Variants in KNG1 observed in about 807,000 individuals in gnomAD.
The protein encoded by KNG1 is kininogen-1.
Under a neutral mutation model 47.8 loss-of-function variants are expected in KNG1, and 23 were observed. That is an observed-to-expected ratio of 0.48 (90% CI 0.35 to 0.68). The LOEUF is 0.68. KNG1 is among the 30% of genes least tolerant of loss of function. KNG1 has a pLI of 0.01. For synonymous variants in KNG1, 277 were observed against 277.0 expected, an observed-to-expected ratio of 1.00 and a Z score of 0.00; for missense variants, 762 against 790.2, an observed-to-expected ratio of 0.96 and a Z score of 0.43.
Position 186,731,631 on chromosome 3 carries a change from T to C in KNG1, c.757+2T>C, listed in dbSNP as rs906229010. 1.3e-6 allele frequency: 2 copies of C among 1,577,238 alleles called. No individual in the cohort carries two copies. The highest frequency in any genetic ancestry group is 2.7e-5 in the African/African-American group (2 of 74,164). The stretch of plus-strand genomic sequence containing the variant: ...CACAGAACTGTGACATTTATCCAGG[T>C]AAGGAATAACACATGTTGGCACCGC... On this transcript the variant is annotated splice_donor_variant, in intron 6 of 9. Coordinates refer to ENST00000644859, the MANE Select transcript of KNG1 (RefSeq NM_001102416.3). LOFTEE classifies it high-confidence loss of function.
chr3:186,722,609 C>A, intron 3 of KNG1, 88 bp downstream of exon 3: 2 of 1,075,194 alleles, frequency 1.9e-6, no homozygotes, highest in Non-Finnish European at 2.8e-6. Context: ...GCTCTGCTTG[C>A]TCCCAGAGGG....
At chr3:186,728,739 C>T (rs1426789998) in intron 5 of KNG1, 1 of 152,164 alleles carries the variant, frequency 6.6e-6, no homozygotes, top group South Asian at 2.1e-4. Context: ...CAACCTCTGC[C>T]TCCCAGGTTT....
intron 5 of KNG1, among the ~76,000 whole-genome samples, chr3:186,727,915 T>C (rs1016458325): frequency 1.3e-5 from 2 of 152,172 alleles, no homozygotes; most frequent in African/African-American, 2.4e-5. Flanking sequence ...TACGAATAGA[T>C]AAAATGCTTG....
At chr3:186,730,683 AATATATATAT>A (rs200151975) in intron 5 of KNG1, among the ~76,000 whole-genome samples, 41 of 39,120 alleles carry the variant, frequency 1.0e-3, no homozygotes, top group African/African-American at 3.4e-3. Flanking sequence ...AAAAAAAAAA[AATATATATAT>A]ATATATATAT....
At position 186,731,644 on chromosome 3, in the gene KNG1, ATGT is replaced by A. The variant is rs1560066536; in HGVS notation, c.757+18_757+20del. 1 of 1,497,908 alleles carries A rather than the reference ATGT, an allele frequency of 6.7e-7. No individual in the cohort carries two copies. Among genetic ancestry groups the A allele is most frequent in the African/African-American group, 1.4e-5 (1 of 72,778 alleles). The allele number at this position is 1,497,908 out of a possible 1,614,324, so 92.8% of individuals were successfully genotyped here. A position where few individuals can be genotyped will look rare whatever the true frequency, so the allele number is the denominator to read the frequency against. On this transcript the variant is annotated intron_variant, in intron 6 of 9. Transcript: ENST00000644859. The stretch of plus-strand genomic sequence containing the variant: ...CATTTATCCAGGTAAGGAATAACAC[ATGT>A]TGGCACCGCAATAGAGGAATAGTGG...
intron 7 of KNG1, chr3:186,738,869 T>G: frequency 2.2e-6 from 1 of 462,372 alleles, no homozygotes. Context: ...TAAAGAAAAT[T>G]ATAGCTTGCT....
Position 186,732,673 on chromosome 3 carries a change from A to G in KNG1, c.929A>G (p.Gln310Arg). The G allele has an allele frequency of 6.2e-7, 1 of 1,612,168 alleles. No homozygotes were observed. Among genetic ancestry groups the G allele is most frequent in the Middle Eastern group, 1.7e-4 (1 of 6,056 alleles). ...GACAATGTGAAAAAAGCAAGAGTAC[A>G]GGTGTGTAAACTATACTACAAAAGC... ...KIDNVKKARV[Q>R]VVAGKKYFID... The change falls in exon 7 of 10, where the codon CAG (glutamine) becomes CGG (arginine). Residue 310 changes from glutamine (Q) to arginine (R), a missense_variant and splice_region_variant. Coordinates refer to ENST00000644859, the MANE Select transcript of KNG1 (RefSeq NM_001102416.3).
chr3:186,730,725 C>CACATATATATAT (rs1720505951), intron 5 of KNG1, among the ~76,000 whole-genome samples: 1 of 45,886 alleles, frequency 2.2e-5, no homozygotes, highest in African/African-American at 8.8e-5. Flanking sequence ...TACACACACA[C>CACATATATATAT]ACACATATAT....
At position 186,741,611 on chromosome 3, in the gene KNG1, C is replaced by G; in HGVS notation, c.1215C>G (p.Pro405=). Residue 405 remains proline (P), a synonymous_variant, in exon 10 of 10, where the codon CCC becomes CCG. Coordinates refer to ENST00000644859, the MANE Select transcript of KNG1 (RefSeq NM_001102416.3). Reference sequence around the variant, plus strand: ...AAGAAGAAACAACTGTAAGTCCACCCCACACTTCCATGGCACCTGCACAAG... The same window carrying G: ...AAGAAGAAACAACTGTAAGTCCACCGCACACTTCCATGGCACCTGCACAAG... ...EIKEETTVSP[P]HTSMAPAQDE... The G allele has an allele frequency of 6.2e-7, 1 of 1,613,314 alleles. No individual in the cohort carries two copies. Among genetic ancestry groups the G allele is most frequent in the Non-Finnish European group, 8.5e-7 (1 of 1,179,794 alleles).
intron 9 of KNG1, among the ~76,000 whole-genome samples, chr3:186,739,638 C>CTA (rs1284513132): frequency 6.6e-6 from 1 of 152,224 alleles, no homozygotes; most frequent in Non-Finnish European, 1.5e-5. Flanking sequence ...AGTGAAGCTT[C>CTA]TATAGACTCT....
Position 186,743,833 on chromosome 3 carries a change from G to A in KNG1, c.*1502G>A, listed in dbSNP as rs750641024. 2 of 1,303,814 alleles carry A rather than the reference G, an allele frequency of 1.5e-6. No individual in the cohort carries two copies. Among genetic ancestry groups the A allele is most frequent in the Non-Finnish European group, 2.2e-6 (2 of 896,968 alleles). 80.8% of individuals were successfully genotyped at this position (1,303,814 alleles called of 1,614,324 possible). A position where few individuals can be genotyped will look rare whatever the true frequency, so the allele number is the denominator to read the frequency against. ...CAGGCACATAGCCCCAACCACCTCT[G>A]CCAGCAACCTTGAGAGGAAGGACAA... is the stretch of plus-strand genomic sequence containing the variant. On this transcript the variant is annotated 3_prime_UTR_variant, in exon 10 of 10. Transcript: ENST00000644859.
intron 7 of KNG1, among the ~76,000 whole-genome samples, chr3:186,737,775 G>A (rs1435579379): frequency 6.6e-6 from 1 of 151,986 alleles, no homozygotes; most frequent in Non-Finnish European, 1.5e-5. Flanking sequence ...AGCCAGGACG[G>A]TCTCGAACCC....
chr3:186,718,885 C>T (rs1720105197), intron 1 of KNG1, among the ~76,000 whole-genome samples: 1 of 152,122 alleles, frequency 6.6e-6, no homozygotes, highest in Non-Finnish European at 1.5e-5. Flanking sequence ...GGAGACAAAT[C>T]CTGGCAGGAT....
At chr3:186,738,893 A>T (rs537466768) in intron 7 of KNG1, 9 of 541,276 alleles carry the variant, frequency 1.7e-5, no homozygotes, top group Non-Finnish European at 2.9e-5. Context: ...TTCTTCCCCC[A>T]CTTAGAAAAG....
chr3:186,739,326 A>G lies in KNG1; in HGVS notation c.1039-2A>G. 6.2e-7 allele frequency: 1 copy of G among 1,613,198 alleles called. No individual in the cohort carries two copies. Among genetic ancestry groups the G allele is most frequent in the Non-Finnish European group, 8.5e-7 (1 of 1,179,154 alleles). On this transcript the variant is annotated splice_acceptor_variant, in intron 8 of 9. Transcript: ENST00000644859. LOFTEE classifies it high-confidence loss of function. ...TCTTTCGACTTCTGTTTTCATGGAT[A>G]GCAAAGCCTAGATTGCAACGCTGAA...
Position 186,743,834 on chromosome 3 carries a change from C to A in KNG1, c.*1503C>A. The A allele has an allele frequency of 7.7e-7, 1 of 1,296,096 alleles. No individual in the cohort carries two copies. Among genetic ancestry groups the A allele is most frequent in the Non-Finnish European group, 1.1e-6 (1 of 890,010 alleles). 80.3% of individuals were successfully genotyped at this position (1,296,096 alleles called of 1,614,324 possible). A position where few individuals can be genotyped will look rare whatever the true frequency, so the allele number is the denominator to read the frequency against. ...AGGCACATAGCCCCAACCACCTCTG[C>A]CAGCAACCTTGAGAGGAAGGACAAG... is the stretch of plus-strand genomic sequence containing the variant. On this transcript the variant is annotated 3_prime_UTR_variant, in exon 10 of 10. Transcript: ENST00000644859.
At chr3:186,729,914 C>A (rs139145850) in intron 5 of KNG1, among the ~76,000 whole-genome samples, 1 of 152,090 alleles carries the variant, frequency 6.6e-6, no homozygotes, top group Non-Finnish European at 1.5e-5. Context: ...TCAGGTGATC[C>A]GCCTGCCTCA....
At position 186,725,372 on chromosome 3, in the gene KNG1, A is replaced by C. The variant is rs528782966; in HGVS notation, c.564+112A>C. On this transcript the variant is annotated intron_variant, in intron 4 of 9. Transcript: ENST00000644859. ...GTGTTTTCATGTGACTAGCACAGGA[A>C]GCGAAGAGCTTTCTCCTTAGTCAAA... is the stretch of plus-strand genomic sequence containing the variant. 1.4e-4 allele frequency: 148 copies of C among 1,046,794 alleles called. 2 individuals carry two copies. The East Asian group carries it at 3.6e-3, about 25-fold the overall frequency. The allele number at this position is 1,046,794 out of a possible 1,614,324, so 64.8% of individuals were successfully genotyped here.
At chr3:186,722,168 C>A in intron 2 of KNG1, 1 of 308,672 alleles carries the variant, frequency 3.2e-6, no homozygotes, top group Admixed American at 4.7e-5. Context: ...AAAGAAATAC[C>A]CTCCAGGGCT....
Sources: allele counts gnomAD v4.1 joint callset (sites outside exome capture counted in the v4.1 genomes callset), GRCh38; gene constraint gnomAD v4.1.1; transcripts MANE v1.5; gene names NCBI Gene and HGNC (gene_info 2026-07-23, HGNC 2026-07-21).